Variants in ZNF813 observed in about 807,000 individuals in gnomAD.
ZNF813 encodes the protein zinc finger protein 813.
In ZNF813, 3 loss-of-function variants were observed where a neutral mutation model predicts 7.2. The ratio of observed to expected loss-of-function variants is 0.42; its 90% confidence interval spans 0.19 to 1.08. The LOEUF is 1.08. ZNF813 is among the 50% of genes least tolerant of loss of function. ZNF813 has a pLI of 0.30. For synonymous variants in ZNF813, 227 were observed against 256.3 expected, an observed-to-expected ratio of 0.89 and a Z score of 1.09; for missense variants, 714 against 753.3, an observed-to-expected ratio of 0.95 and a Z score of 0.61.
chr19:53,469,493 A>G (rs569490693), intron 1 of ZNF813, among the ~76,000 whole-genome samples: 1 of 152,312 alleles, frequency 6.6e-6, no homozygotes, highest in South Asian at 2.1e-4. Context: ...AGAAAGACTC[A>G]TAACAGATGG....
At chr19:53,488,379 G>T (rs773944179) in intron 3 of ZNF813, 1 of 340,146 alleles carries the variant, frequency 2.9e-6, no homozygotes, top group Non-Finnish European at 5.8e-6. Flanking sequence ...GTGGGTTGGA[G>T]TGACTCTTTA....
intron 1 of ZNF813, among the ~76,000 whole-genome samples, chr19:53,472,315 G>GA (rs2086363434): frequency 6.6e-6 from 1 of 152,148 alleles, no homozygotes; most frequent in Non-Finnish European, 1.5e-5. Context: ...CTGGGTCCCA[G>GA]GGGACAAGGT....
chr19:53,487,797 CAAAAA>C (rs35942754), intron 3 of ZNF813, among the ~76,000 whole-genome samples: 1 of 130,070 alleles, frequency 7.7e-6, no homozygotes, highest in African/African-American at 2.8e-5. Flanking sequence ...GACTCTGTCT[CAAAAA>C]AAAAAAAAAA....
At position 53,492,102 on chromosome 19, in the gene ZNF813, C is replaced by T; in HGVS notation, c.*16C>T. On this transcript the variant is annotated 3_prime_UTR_variant, in exon 4 of 4. Coordinates refer to ENST00000396403, the MANE Select transcript of ZNF813 (RefSeq NM_001004301.4). ...TTTTAATTGAAAAGCAAAGCTTGCA[C>T]ATCATCATACAATTCATACTGGAAA... The T allele has an allele frequency of 6.3e-7, 1 of 1,599,940 alleles. No individual in the cohort carries two copies. The highest frequency in any genetic ancestry group is 8.5e-7 in the Non-Finnish European group (1 of 1,172,904).
chr19:53,482,585 C>G (rs2086413465), intron 1 of ZNF813, among the ~76,000 whole-genome samples: 1 of 152,158 alleles, frequency 6.6e-6, no homozygotes, highest in Admixed American at 6.6e-5. Flanking sequence ...TCTCCTCCTT[C>G]AGGTCTAGGC....
At chr19:53,479,177 C>T (rs1410766047) in intron 1 of ZNF813, among the ~76,000 whole-genome samples, 2 of 152,186 alleles carry the variant, frequency 1.3e-5, no homozygotes, top group African/African-American at 2.4e-5. Context: ...TCAGGTGATC[C>T]ACTTGCTTCG....
At chr19:53,479,452 G>C in intron 1 of ZNF813, 1 of 1,532,700 alleles carries the variant, frequency 6.5e-7, no homozygotes, top group Non-Finnish European at 8.9e-7. Context: ...GTGAGAAGCT[G>C]AGAGAGAAAG....
At chr19:53,486,888 G>T in intron 3 of ZNF813, 130 bp downstream of exon 3, 1 of 1,403,054 alleles carries the variant, frequency 7.1e-7, no homozygotes, top group Non-Finnish European at 9.5e-7. Flanking sequence ...GGCTCACTGC[G>T]ATCTTGAATT....
At position 53,479,899 on chromosome 19, in the gene ZNF813, T is replaced by C; in HGVS notation, c.-73-3851T>C. 1.1e-5 allele frequency: 10 copies of C among 906,166 alleles called. No homozygotes were observed. In the South Asian group the frequency reaches 1.3e-4, roughly 12 times the overall value. 56.1% of individuals were successfully genotyped at this position (906,166 alleles called of 1,614,324 possible). Reference sequence around the variant, plus strand: ...AGTACCCTCAAAAAGAAGACAAATGTGAGGAAGAGATGAAGATTCTTACTG... The same window carrying C: ...AGTACCCTCAAAAAGAAGACAAATGCGAGGAAGAGATGAAGATTCTTACTG... On this transcript the variant is annotated intron_variant, in intron 1 of 3. Transcript: ENST00000396403.
At position 53,492,602 on chromosome 19, in the gene ZNF813, C is replaced by T; in HGVS notation, c.*516C>T. The T allele has an allele frequency of 1.5e-6, 1 of 659,266 alleles. No homozygotes were observed. 40.8% of individuals were successfully genotyped at this position (659,266 alleles called of 1,614,324 possible). ...CAGTCAACACTTACTCACCATCAGG[C>T]AATCCATGGTGAAGGAAACTTGACT... On this transcript the variant is annotated 3_prime_UTR_variant, in exon 4 of 4. Coordinates refer to ENST00000396403, the MANE Select transcript of ZNF813 (RefSeq NM_001004301.4).
chr19:53,475,890 T>C (rs1261095289), intron 1 of ZNF813, among the ~76,000 whole-genome samples: 1 of 152,204 alleles, frequency 6.6e-6, no homozygotes, highest in Non-Finnish European at 1.5e-5. Context: ...AAAGCTTCCT[T>C]GACCTGCTTG....
At chr19:53,485,405 TAC>T (rs2086427259) in intron 2 of ZNF813, among the ~76,000 whole-genome samples, 2 of 152,216 alleles carry the variant, frequency 1.3e-5, no homozygotes, top group Non-Finnish European at 2.9e-5. Flanking sequence ...CACACACATA[TAC>T]ATCTCCATAC....
chr19:53,490,974 T>C lies in ZNF813; in HGVS notation c.742T>C (p.Cys248Arg), dbSNP rs2086457618. The stretch of plus-strand genomic sequence containing the variant: ...AGAGAAACAATATAAATGTGATGTA[T>C]GTGGCAAGGTCTTTAATCGGAAGCG... ...LGEKQYKCDV[C>R]GKVFNRKRNL... The change falls in exon 4 of 4, where the codon TGT becomes CGT. Residue 248 changes from cysteine (C) to arginine (R), a missense_variant. Cys to Arg is a radical substitution (Grantham distance 180, BLOSUM62 -3). Coordinates refer to ENST00000396403, the MANE Select transcript of ZNF813 (RefSeq NM_001004301.4). 6.2e-7 allele frequency: 1 copy of C among 1,614,212 alleles called. No individual in the cohort carries two copies. The highest frequency in any genetic ancestry group is 8.5e-7 in the Non-Finnish European group (1 of 1,180,032).
rs372068294 is a variant in ZNF813 at position 53,490,832 on chromosome 19, G to A, written c.600G>A (p.Ser200=). The A allele has an allele frequency of 3.4e-5, 55 of 1,614,092 alleles. 1 individual carries two copies. Among genetic ancestry groups the A allele is most frequent in the South Asian group, 1.6e-4 (15 of 91,076 alleles). ...ATGGGAATAATTTCCGGAATTCTTC[G>A]TTACTCACACAAAAACAGGAGGTAC... is the stretch of plus-strand genomic sequence containing the variant. ...NNYGNNFRNS[S]LLTQKQEVHM... The change falls in exon 4 of 4, where the codon TCG becomes TCA. Residue 200 remains serine (S), a synonymous_variant. Transcript: ENST00000396403.
At position 53,490,483 on chromosome 19, in the gene ZNF813, A is replaced by C; in HGVS notation, c.251A>C (p.Asp84Ala). Residue 84 changes from aspartate (D) to alanine (A), a missense_variant, in exon 4 of 4, where the codon GAC (aspartate) becomes GCC (alanine). Around this residue, in one of 3 missense-constraint regions of ZNF813, gnomAD observed 563 missense variants for 554.2 expected, o/e 1.02. Coordinates refer to ENST00000396403, the MANE Select transcript of ZNF813 (RefSeq NM_001004301.4). ...AGACATGAAAGTCATCACACTGGAG[A>C]CTTTCGCTTTCAGGAAATTGATAAA... ...LQRHESHHTG[D>A]FRFQEIDKDI... 1.2e-6 allele frequency: 2 copies of C among 1,614,178 alleles called. No homozygotes were observed. Among genetic ancestry groups the C allele is most frequent in the Non-Finnish European group, 1.7e-6 (2 of 1,180,038 alleles).
At position 53,493,745 on chromosome 19, in the gene ZNF813, A is replaced by G. The variant is rs1271108161; in HGVS notation, c.*1659A>G. ...GATCATGTCATCTACAAACACATATAATTTTACTTCTTTCTTTCTGATTTG... is the reference window on the plus strand; with the variant it reads ...GATCATGTCATCTACAAACACATATGATTTTACTTCTTTCTTTCTGATTTG... On this transcript the variant is annotated 3_prime_UTR_variant, in exon 4 of 4. Transcript: ENST00000396403. The G allele has an allele frequency of 6.6e-6, 1 of 152,184 alleles. No homozygotes were observed. The highest frequency in any genetic ancestry group is 1.5e-5 in the Non-Finnish European group (1 of 68,026). The allele number at this position is 152,184 out of a possible 1,614,324, so 9.4% of individuals were successfully genotyped here. A position where few individuals can be genotyped will look rare whatever the true frequency, so the allele number is the denominator to read the frequency against.
chr19:53,484,158 T>G (rs1324835113), intron 2 of ZNF813, among the ~76,000 whole-genome samples: 1 of 152,072 alleles, frequency 6.6e-6, no homozygotes, highest in Non-Finnish European at 1.5e-5. Flanking sequence ...GGATGCTCTC[T>G]CAGCTCTCTG....
At chr19:53,468,219 G>GCCCCCCCCCCCCCCCC (rs34920971) in intron 1 of ZNF813, among the ~76,000 whole-genome samples, 4 of 52,916 alleles carry the variant, frequency 7.6e-5, no homozygotes, top group African/African-American at 1.5e-4. Flanking sequence ...GCGCCCTCGC[G>GCCCCCCCCCCCCCCCC]CCCCCCCCCC....
chr19:53,480,877 G>A (rs1371744025), intron 1 of ZNF813, among the ~76,000 whole-genome samples: 1 of 152,154 alleles, frequency 6.6e-6, no homozygotes, highest in Admixed American at 6.5e-5. Flanking sequence ...AACTCTGGCG[G>A]AGTCAAAGGA....
Sources: gnomAD v4.1 joint callset for allele counts (sites outside exome capture counted in the v4.1 genomes callset) on GRCh38, gnomAD v4.1.1 for gene constraint, gnomAD v4.1.1 regional missense constraint, MANE v1.5 for transcripts, NCBI Gene and HGNC (gene_info 2026-07-23, HGNC 2026-07-21) for gene names.